Variants in BBX observed in about 807,000 individuals in gnomAD.
BBX encodes the protein BBX high mobility group box domain containing, also known as HMG box transcription factor BBX.
A neutral mutation model predicts 100.2 loss-of-function variants in BBX; 30 were observed. The observed-to-expected ratio is 0.30, with a 90% CI of 0.22 to 0.41. The LOEUF is 0.41. Among genes scored for constraint, BBX ranks in the 10% least tolerant of loss-of-function variants. BBX has a pLI of 1.00. For missense variants in BBX, 1,023 were observed against 1,129.8 expected (o/e 0.91, Z 1.35); for synonymous variants, 376 against 388.1 (o/e 0.97, Z 0.37).
In BBX at chr3:107,777,216, A is replaced by T. The variant is rs75455860; in HGVS notation, c.2055-1155A>T. 8.4e-3 allele frequency among the ~76,000 whole-genome samples: 1,284 copies of T among 152,296 alleles called. 11 individuals carry two copies. Among genetic ancestry groups the T allele is most frequent in the Non-Finnish European group, 0.013 (860 of 68,010 alleles). On this transcript the variant is annotated intron_variant, in intron 12 of 17. Coordinates refer to ENST00000325805, the MANE Select transcript of BBX (RefSeq NM_001142568.3). ...AACAAACGTAGCATATGTAAGGTTCAGTACCATCAGCGGTTTCAGGCATCT... is the reference window on the plus strand; with the variant it reads ...AACAAACGTAGCATATGTAAGGTTCTGTACCATCAGCGGTTTCAGGCATCT...
intron 7 of BBX, 130 bp from the exon 8 acceptor site, chr3:107,744,500 A>T (rs890268587): frequency 1.5e-6 from 1 of 680,472 alleles, no homozygotes; most frequent in Non-Finnish European, 2.5e-6. Flanking sequence ...TGAGAAAAAT[A>T]CTTGATTAAA....
chr3:107,601,727 T>G lies in BBX; in HGVS notation c.-83-44109T>G, dbSNP rs535975553. 3.3e-5 allele frequency among the ~76,000 whole-genome samples: 5 copies of G among 152,362 alleles called. No homozygotes were observed. In the East Asian group the frequency reaches 9.6e-4, roughly 29 times the overall value. ...TAAAAGTGCAAGAGGAAGCAGCAAG[T>G]GCTGATGGAGAAGCTACAGCAAGTT... On this transcript the variant is annotated intron_variant, in intron 2 of 17. Coordinates refer to ENST00000325805, the MANE Select transcript of BBX (RefSeq NM_001142568.3).
intron 2 of BBX, among the ~76,000 whole-genome samples, chr3:107,584,640 G>C (rs1034739506): frequency 1.4e-5 from 2 of 141,416 alleles, no homozygotes; most frequent in Non-Finnish European, 3.1e-5. Flanking sequence ...GGTGGGGAAG[G>C]CTTCTTTAAA....
At chr3:107,598,545 C>T (rs963818954) in intron 2 of BBX, among the ~76,000 whole-genome samples, 10 of 152,150 alleles carry the variant, frequency 6.6e-5, no homozygotes, top group African/African-American at 2.4e-4. Context: ...TTTCTGCTTC[C>T]CGGCTTATTT....
At chr3:107,630,503 G>C (rs1349615913) in intron 2 of BBX, among the ~76,000 whole-genome samples, 1 of 152,132 alleles carries the variant, frequency 6.6e-6, no homozygotes, top group African/African-American at 2.4e-5. Flanking sequence ...GGAAAATGAC[G>C]TTCAGTTTTC....
chr3:107,646,729 T>C (rs1266098307), intron 3 of BBX, among the ~76,000 whole-genome samples: 1 of 152,154 alleles, frequency 6.6e-6, no homozygotes. Context: ...TATTATTTAG[T>C]TATAGTTTTC....
intron 2 of BBX, among the ~76,000 whole-genome samples, chr3:107,534,382 T>G (rs1376574643): frequency 6.6e-6 from 1 of 152,204 alleles, no homozygotes; most frequent in East Asian, 1.9e-4. Context: ...ATTCTTTACA[T>G]CCAGCTGTCA....
intron 2 of BBX, among the ~76,000 whole-genome samples, chr3:107,563,286 C>T (rs868468372): frequency 6.6e-6 from 1 of 152,192 alleles, no homozygotes; most frequent in African/African-American, 2.4e-5. Flanking sequence ...TCACATACCC[C>T]TGTGAAGCTC....
intron 10 of BBX, among the ~76,000 whole-genome samples, chr3:107,764,863 G>T (rs1322443328): frequency 6.6e-6 from 1 of 152,140 alleles, no homozygotes; most frequent in African/African-American, 2.4e-5. Flanking sequence ...TCTTCTGTGT[G>T]CTTGTCTGTG....
intron 2 of BBX, among the ~76,000 whole-genome samples, chr3:107,560,671 C>T (rs1346580278): frequency 3.3e-5 from 5 of 152,158 alleles, no homozygotes; most frequent in African/African-American, 1.2e-4. Flanking sequence ...TAAGGAAATT[C>T]TAAAGATTTC....
chr3:107,546,139 A>T (rs1176257838), intron 2 of BBX, among the ~76,000 whole-genome samples: 1 of 152,178 alleles, frequency 6.6e-6, no homozygotes, highest in Non-Finnish European at 1.5e-5. Context: ...GCTCGGACTC[A>T]TTAGATAACG....
At chr3:107,554,907 A>G (rs2049975690) in intron 2 of BBX, among the ~76,000 whole-genome samples, 1 of 152,170 alleles carries the variant, frequency 6.6e-6, no homozygotes, top group Middle Eastern at 3.4e-3. Context: ...CATCTCTACT[A>G]AAAATACAAA....
chr3:107,664,123 T>C (rs952559347), intron 3 of BBX, among the ~76,000 whole-genome samples: 4 of 152,152 alleles, frequency 2.6e-5, no homozygotes, highest in African/African-American at 9.7e-5. Flanking sequence ...TTTCTTTTTC[T>C]TTTCTTTTAT....
chr3:107,737,288 C>G (rs531313573), intron 7 of BBX, among the ~76,000 whole-genome samples: 2 of 105,410 alleles, frequency 1.9e-5, no homozygotes, highest in Admixed American at 2.4e-4. Context: ...TTACCAGCAA[C>G]ATGCATACAT....
At chr3:107,792,937 G>C (rs749590936) in intron 15 of BBX, among the ~76,000 whole-genome samples, 26 of 152,100 alleles carry the variant, frequency 1.7e-4, no homozygotes, top group Non-Finnish European at 3.2e-4. Context: ...CAGTGTGGTA[G>C]AAAGAGCACT....
chr3:107,694,950 T>G (rs1320998871), intron 3 of BBX, among the ~76,000 whole-genome samples: 1 of 151,528 alleles, frequency 6.6e-6, no homozygotes, highest in African/African-American at 2.4e-5. Flanking sequence ...AGGAATTTAT[T>G]CATTTCTTCT....
Position 107,552,117 on chromosome 3 carries a change from G to A in BBX, c.-84+25719G>A, listed in dbSNP as rs145612645. Among the ~76,000 whole-genome samples, 15 of 151,904 alleles carry A rather than the reference G, an allele frequency of 9.9e-5. No homozygotes were observed. In the East Asian group the frequency reaches 1.2e-3, roughly 12 times the overall value. On this transcript the variant is annotated intron_variant, in intron 2 of 17. Coordinates refer to ENST00000325805, the MANE Select transcript of BBX (RefSeq NM_001142568.3). ...AGCACTTTGGGAGGCTGCGGCAGGC[G>A]GATCTCTTGAGCCCAGGAGTTCAAG... is the stretch of plus-strand genomic sequence containing the variant.
intron 2 of BBX, among the ~76,000 whole-genome samples, chr3:107,587,847 C>T (rs1441950792): frequency 6.6e-6 from 1 of 152,168 alleles, no homozygotes; most frequent in Non-Finnish European, 1.5e-5. Flanking sequence ...ATTCATCCAT[C>T]CATCCTCTCA....
chr3:107,787,223 T>A (rs1201531672), intron 13 of BBX, among the ~76,000 whole-genome samples: 1 of 152,172 alleles, frequency 6.6e-6, no homozygotes, highest in Admixed American at 6.5e-5. Flanking sequence ...TCTTGATCTC[T>A]TGATGTCGTG....
Sources: gnomAD v4.1 joint callset for allele counts (sites outside exome capture counted in the v4.1 genomes callset) on GRCh38, gnomAD v4.1.1 for gene constraint, MANE v1.5 for transcripts, NCBI Gene and HGNC (gene_info 2026-07-23, HGNC 2026-07-21) for gene names.